Variants in RNF6 observed in about 807,000 individuals in gnomAD.
The protein encoded by RNF6 is ring finger protein 6.
RNF6 carries 21 observed loss-of-function variants against 50.1 expected under a neutral mutation model. The observed-to-expected ratio is 0.42, with a 90% CI of 0.30 to 0.60. RNF6 has a LOEUF of 0.60. Ranked by LOEUF, RNF6 falls within the 20% of genes least tolerant of loss-of-function variation. RNF6 has a pLI of 0.20. For synonymous variants in RNF6, 255 were observed against 291.8 expected, an observed-to-expected ratio of 0.87 and a Z score of 1.29; for missense variants, 698 against 838.2, an observed-to-expected ratio of 0.83 and a Z score of 2.07.
intron 5 of RNF6, among the ~76,000 whole-genome samples, chr13:26,157,315 A>G (rs4769474): frequency 0.73 from 111,633 of 151,968 alleles, 41,200 homozygotes; most frequent in East Asian, 0.83. Context: ...AAGAAAATGT[A>G]GATAATTATT....
intron 5 of RNF6, among the ~76,000 whole-genome samples, chr13:26,141,008 A>G (rs546490253): frequency 1.4e-4 from 22 of 152,306 alleles, no homozygotes; most frequent in African/African-American, 5.1e-4. Context: ...ATATTTCATG[A>G]TCATGGATTG....
At chr13:26,206,283 C>T (rs10467680) in intron 5 of RNF6, among the ~76,000 whole-genome samples, 31,027 of 151,570 alleles carry the variant, frequency 0.2, 3,703 homozygotes, top group East Asian at 0.4. Context: ...ACAAAGAGCA[C>T]ACAGCCCAAG....
At chr13:26,143,336 C>T (rs1391147166) in intron 5 of RNF6, among the ~76,000 whole-genome samples, 1 of 152,190 alleles carries the variant, frequency 6.6e-6, no homozygotes, top group East Asian at 1.9e-4. Context: ...TAGTCAGGAT[C>T]AATCACCCCA....
chr13:26,182,185 C>A (rs1458729647), intron 5 of RNF6, among the ~76,000 whole-genome samples: 4 of 152,194 alleles, frequency 2.6e-5, no homozygotes, highest in African/African-American at 9.7e-5. Context: ...ATCACACTTA[C>A]AATAAAACAT....
chr13:26,165,575 C>T (rs1872412845), intron 5 of RNF6, among the ~76,000 whole-genome samples: 1 of 152,192 alleles, frequency 6.6e-6, no homozygotes. Flanking sequence ...GAGGCTGTAC[C>T]CTGCAAAGCC....
At chr13:26,160,533 C>A (rs200424071) in intron 5 of RNF6, among the ~76,000 whole-genome samples, 960 of 84,230 alleles carry the variant, frequency 0.011, 12 homozygotes, top group African/African-American at 0.037. Context: ...CTATCTTCTT[C>A]TCTTCTTCTT....
intron 5 of RNF6, among the ~76,000 whole-genome samples, chr13:26,168,072 G>T (rs1872533185): frequency 6.6e-6 from 1 of 151,998 alleles, no homozygotes; most frequent in African/African-American, 2.4e-5. Flanking sequence ...GGAGGGAGAG[G>T]AAGAGAAAAA....
chr13:26,194,534 C>T (rs1868584237), intron 5 of RNF6, among the ~76,000 whole-genome samples: 1 of 152,120 alleles, frequency 6.6e-6, no homozygotes, highest in Non-Finnish European at 1.5e-5. Context: ...CCTTTTTACC[C>T]AGTTCATCAT....
chr13:26,183,645 T>C (rs921846510), intron 5 of RNF6, among the ~76,000 whole-genome samples: 5 of 152,038 alleles, frequency 3.3e-5, no homozygotes, highest in African/African-American at 9.7e-5. Flanking sequence ...ACTGAGAAGG[T>C]AAAATGGAAT....
At chr13:26,207,258 T>C (rs1444632778) in intron 5 of RNF6, among the ~76,000 whole-genome samples, 2 of 149,156 alleles carry the variant, frequency 1.3e-5, no homozygotes, top group South Asian at 4.2e-4. Flanking sequence ...AAAGGCAAGA[T>C]GAGATACCCT....
chr13:26,198,045 G>A (rs1172852148), intron 5 of RNF6, among the ~76,000 whole-genome samples: 1 of 137,538 alleles, frequency 7.3e-6, no homozygotes, highest in Non-Finnish European at 1.6e-5. Flanking sequence ...TTGTGGATGT[G>A]TATATATACA....
intron 5 of RNF6, among the ~76,000 whole-genome samples, chr13:26,137,745 G>C (rs982365402): frequency 2.7e-4 from 41 of 151,772 alleles, no homozygotes; most frequent in African/African-American, 9.7e-4. Flanking sequence ...GAAGATTTTA[G>C]CAGACAGGAG....
intron 5 of RNF6, among the ~76,000 whole-genome samples, chr13:26,144,380 CA>C (rs1871123223): frequency 3.6e-5 from 1 of 27,408 alleles, no homozygotes; most frequent in Non-Finnish European, 9.7e-5. Context: ...GAAATATCTT[CA>C]TTTTTTTTTT....
At chr13:26,206,512 T>C (rs301062) in intron 5 of RNF6, among the ~76,000 whole-genome samples, 26,680 of 152,172 alleles carry the variant, frequency 0.18, 2,459 homozygotes, top group African/African-American at 0.2. Context: ...TTTTCTGCTT[T>C]TGGCTGCACT....
chr13:26,174,948 G>C (rs1872879915), intron 5 of RNF6, among the ~76,000 whole-genome samples: 2 of 152,142 alleles, frequency 1.3e-5, no homozygotes, highest in African/African-American at 4.8e-5. Context: ...CCTCTTTAAA[G>C]GCCCTATTTC....
chr13:26,211,354 CTTTAT>C (rs1247475614), downstream of RNF6, among the ~76,000 whole-genome samples: 2 of 152,180 alleles, frequency 1.3e-5, no homozygotes, highest in African/African-American at 4.8e-5. Flanking sequence ...ATCAATATGC[CTTTAT>C]TTTTTCTGTA....
chr13:26,220,481 A>C (rs528815946), intron 2 of RNF6, among the ~76,000 whole-genome samples: 1 of 152,330 alleles, frequency 6.6e-6, no homozygotes, highest in Admixed American at 6.5e-5. Flanking sequence ...ATTACATGGA[A>C]ATCAAGAGAG....
intron 5 of RNF6, among the ~76,000 whole-genome samples, chr13:26,151,606 T>C (rs1445304962): frequency 2.6e-5 from 1 of 38,988 alleles, no homozygotes; most frequent in Non-Finnish European, 6.6e-5. Flanking sequence ...CCTTTTCTCC[T>C]TTTTTTCTTT....
intron 5 of RNF6, among the ~76,000 whole-genome samples, chr13:26,176,106 G>A (rs80274387): frequency 0.082 from 12,479 of 152,164 alleles, 550 homozygotes; most frequent in Middle Eastern, 0.13. Context: ...TGTCTAAGGC[G>A]TGAGGCCTGA....
Sources: gnomAD v4.1 joint callset for allele counts (sites outside exome capture counted in the v4.1 genomes callset) on GRCh38, gnomAD v4.1.1 for gene constraint, MANE v1.5 for transcripts, NCBI Gene and HGNC (gene_info 2026-07-23, HGNC 2026-07-21) for gene names.